Variants in FLG observed in about 807,000 individuals in gnomAD.
FLG encodes the protein epidermal filaggrin.
FLG carries 6 observed loss-of-function variants against 3.8 expected under a neutral mutation model. The ratio of observed to expected loss-of-function variants is 1.60; its 90% CI spans 0.87 to 3.15. The LOEUF is 3.15. FLG is among the 30% of genes most tolerant of loss of function. The pLI, the probability that FLG is intolerant of heterozygous loss-of-function variation, is 0.00. For synonymous variants in FLG, 2,551 were observed against 1,931.6 expected (o/e 1.32, Z -8.41); for missense variants, 7,595 against 5,050.9 (o/e 1.50, Z -15.27).
rs748175895 is a variant in FLG, at chr1:152,315,476, A to G, written c.-20T>C. The G allele has an allele frequency of 1.2e-6, 2 of 1,604,168 alleles. No homozygotes were observed. Among genetic ancestry groups the G allele is most frequent in the East Asian group, 4.5e-5 (2 of 44,638 alleles). On this transcript the variant is annotated splice_region_variant and 5_prime_UTR_variant, in exon 2 of 3. Coordinates refer to ENST00000368799, the MANE Select transcript of FLG (RefSeq NM_002016.2). ...AGACATCTTTTGGCAATAAATGTGA[A>G]CCTAGAAAGAAGAAATGAAAATGCA...
In FLG at chr1:152,311,828, A is replaced by C. The variant is rs751476639; in HGVS notation, c.3058T>G (p.Ser1020Ala). The C allele has an allele frequency of 2.7e-5, 43 of 1,613,988 alleles. 1 individual carries two copies. In the East Asian group the frequency reaches 9.6e-4, roughly 36 times the overall value. ...CTTGATCTTGCCTGTTCATGGGATG[A>C]CGCAGCCTGTCCACCAGAGGAAGTC... ...AETSSGGQAA[S>A]SHEQARSSPG... The change falls in exon 3 of 3, where the codon TCA becomes GCA. Residue 1020 changes from serine to alanine, a missense_variant. Coordinates refer to ENST00000368799, the MANE Select transcript of FLG (RefSeq NM_002016.2).
At position 152,314,338 on chromosome 1, in the gene FLG, T is replaced by C; in HGVS notation, c.548A>G (p.Lys183Arg). The C allele has an allele frequency of 9.3e-6, 15 of 1,613,040 alleles. No individual in the cohort carries two copies. Among genetic ancestry groups the C allele is most frequent in the Non-Finnish European group, 1.3e-5 (15 of 1,179,708 alleles). Residue 183 changes from lysine to arginine, a missense_variant, in exon 3 of 3, where the codon AAA (lysine) becomes AGA (arginine). Transcript: ENST00000368799. Reference sequence around the variant, plus strand: ...AGTATTTTCAGTCTTGTTTTTCTCTTTTTTACTTGAGTTATGATGGTTTTT... The same window carrying C: ...AGTATTTTCAGTCTTGTTTTTCTCTCTTTTACTTGAGTTATGATGGTTTTT... ...YGKNHHNSSK[K>R]EKNKTENTRL...
In FLG at chr1:152,307,404, G is replaced by A. The variant is rs768342355; in HGVS notation, c.7482C>T (p.His2494=). The change falls in exon 3 of 3, where the codon CAC becomes CAT. Residue 2494 remains histidine (H), a synonymous_variant. Coordinates refer to ENST00000368799, the MANE Select transcript of FLG (RefSeq NM_002016.2). ...CATCAGACCTTCCCTGGGATGTGGT[G>A]TGGCTGTGATGAGACCCTGAGTGTC... ...RSGHSGSHHS[H]TTSQGRSDAS... The A allele has an allele frequency of 1.2e-6, 2 of 1,613,276 alleles. No homozygotes were observed. Among genetic ancestry groups the A allele is most frequent in the Non-Finnish European group, 1.7e-6 (2 of 1,179,700 alleles).
chr1:152,313,038 G>T lies in FLG; in HGVS notation c.1848C>A (p.Asn616Lys), dbSNP rs753079520. Reference sequence around the variant, plus strand: ...TGTCCTGGCTAACACTGGATCCCTGGTTCCTACTTGTCCTGGGCCCCGATG... The same window carrying T: ...TGTCCTGGCTAACACTGGATCCCTGTTTCCTACTTGTCCTGGGCCCCGATG... ...GQSSGPRTSR[N>K]QGSSVSQDSD... Residue 616 changes from asparagine (N) to lysine (K), a missense_variant, in exon 3 of 3, where the codon AAC becomes AAA. Transcript: ENST00000368799. 7 of 1,613,798 alleles carry T rather than the reference G, an allele frequency of 4.3e-6. No individual in the cohort carries two copies. The South Asian group carries it at 6.6e-5, about 15-fold the overall frequency.
chr1:152,307,289 G>C lies in FLG; in HGVS notation c.7597C>G (p.Arg2533Gly). 1 of 1,613,324 alleles carries C rather than the reference G, an allele frequency of 6.2e-7. No individual in the cohort carries two copies. The highest frequency in any genetic ancestry group is 8.5e-7 in the Non-Finnish European group (1 of 1,179,960). ...SGDGSRHSGS[R>G]HHEASSRADS... ...GCCCGAGAGGAAGCTTCATGGTGAC[G>C]CGACCCTGAGTGCCTGGAGCCGTCT... The change falls in exon 3 of 3, where the codon CGT becomes GGT. Residue 2533 changes from arginine to glycine, a missense_variant. Physicochemically the swap from Arg to Gly is moderately radical, Grantham distance 125 (BLOSUM62 -2). Coordinates refer to ENST00000368799, the MANE Select transcript of FLG (RefSeq NM_002016.2).
In FLG at chr1:152,312,576, G is replaced by C; in HGVS notation, c.2310C>G (p.His770Gln). The change falls in exon 3 of 3, where the codon CAC becomes CAG. Residue 770 changes from histidine to glutamine, a missense_variant. His to Gln is a conservative substitution (Grantham distance 24). Transcript: ENST00000368799. ...QSVSGHGQAG[H>Q]HQQSHQESAR... is the part of the protein sequence containing the mutation. The stretch of plus-strand genomic sequence containing the variant: ...CGGACTCTTGGTGGCTCTGCTGATG[G>C]TGACCAGCCTGTCCATGGCCTGACA... 6.2e-7 allele frequency: 1 copy of C among 1,613,624 alleles called. No individual in the cohort carries two copies. Among genetic ancestry groups the C allele is most frequent in the Non-Finnish European group, 8.5e-7 (1 of 1,179,924 alleles).
Position 152,313,220 on chromosome 1 carries a change from C to G in FLG, c.1666G>C (p.Asp556His). Residue 556 changes from aspartate to histidine, a missense_variant, in exon 3 of 3, where the codon GAT (aspartate) becomes CAT (histidine). Coordinates refer to ENST00000368799, the MANE Select transcript of FLG (RefSeq NM_002016.2). ...HSHTTSQGRS[D>H]ASHGQSGSRS... ...GATCCTGACTGCCCATGGGAGGCAT[C>G]AGACCTTCCCTGGGATGTGGTGTGG... 1 of 1,613,896 alleles carries G rather than the reference C, an allele frequency of 6.2e-7. No individual in the cohort carries two copies. The highest frequency in any genetic ancestry group is 8.5e-7 in the Non-Finnish European group (1 of 1,180,016).
rs138819199 is a variant in FLG at position 152,315,333 on chromosome 1, G to A, written c.124C>T (p.Arg42Trp). ...ELKELLEKEF[R>W]QILKNPDDPD... Reference sequence around the variant, plus strand: ...GAGACTCTTACCTTCAGGATTTGCCGAAATTCCTTTTCCAGAAGTTCCTTC... The same window carrying A: ...GAGACTCTTACCTTCAGGATTTGCCAAAATTCCTTTTCCAGAAGTTCCTTC... The change falls in exon 2 of 3, where the codon CGG (arginine) becomes TGG (tryptophan). Residue 42 changes from arginine to tryptophan, a missense_variant. By Grantham distance (101) the Arg-to-Trp change is moderately radical. Coordinates refer to ENST00000368799, the MANE Select transcript of FLG (RefSeq NM_002016.2). 127 of 1,613,078 alleles carry A rather than the reference G, an allele frequency of 7.9e-5. No individual in the cohort carries two copies. The highest frequency in any genetic ancestry group is 1.2e-4 in the African/African-American group (9 of 74,870).
At chr1:152,323,164 A>G (rs1653033216) in intron 1 of FLG, among the ~76,000 whole-genome samples, 1 of 151,860 alleles carries the variant, frequency 6.6e-6, no homozygotes, top group African/African-American at 2.4e-5. Flanking sequence ...ATGGAAAAAA[A>G]ATAGTTTCCA....
chr1:152,303,439 T>C lies in FLG; in HGVS notation c.11447A>G (p.Glu3816Gly). 2 of 1,614,082 alleles carry C rather than the reference T, an allele frequency of 1.2e-6. No individual in the cohort carries two copies. The highest frequency in any genetic ancestry group is 2.2e-5 in the South Asian group (2 of 91,074). ...SRSASRETRNEEQSGDGSRHS... is the reference protein window; with the variant it reads ...SRSASRETRNGEQSGDGSRHS... ...CCTGGAGCCGTCTCCTGACTGTTCC[T>C]CATTACGTGTTTCTCTGCTTGCACT... Residue 3816 changes from glutamate to glycine, a missense_variant, in exon 3 of 3, where the codon GAG becomes GGG. By Grantham distance (98) the Glu-to-Gly change is moderately conservative (BLOSUM62 -2). Coordinates refer to ENST00000368799, the MANE Select transcript of FLG (RefSeq NM_002016.2).
chr1:152,323,491 G>A (rs752446846), intron 1 of FLG, among the ~76,000 whole-genome samples: 6 of 151,526 alleles, frequency 4.0e-5, no homozygotes, highest in Non-Finnish European at 5.9e-5. Flanking sequence ...CCTTAGGAAC[G>A]TTACAGAAAA....
In FLG at chr1:152,311,386, G is replaced by C. The variant is rs58001094; in HGVS notation, c.3500C>G (p.Ala1167Gly). The part of the protein sequence containing the change: ...ASQEGQDTIR[A>G]HPGSRRGGRQ... ...TCCTCCTCTCCTTGACCCCGGGTGT[G>C]CACGAATGGTGTCCTGACCCTCTTG... Residue 1167 changes from alanine to glycine, a missense_variant, in exon 3 of 3, where the codon GCA becomes GGA. Transcript: ENST00000368799. 0.23 allele frequency: 371,911 copies of C among 1,611,092 alleles called. 60,751 individuals are homozygous for C. The highest frequency in any genetic ancestry group is 0.7 in the African/African-American group (51,565 of 74,018).
At chr1:152,315,049 T>C in intron 2 of FLG, 1 of 404,462 alleles carries the variant, frequency 2.5e-6, no homozygotes, top group Admixed American at 4.1e-5. Context: ...GTAATGTTGA[T>C]GTTTGGGAGA....
chr1:152,313,171 C>T lies in FLG; in HGVS notation c.1715G>A (p.Arg572Gln), dbSNP rs749798893. Residue 572 changes from arginine (R) to glutamine (Q), a missense_variant, in exon 3 of 3, where the codon CGA (arginine) becomes CAA (glutamine). Transcript: ENST00000368799. ...SGSRSASRQT[R>Q]NEEQSGDGTR... ...GCCGTCTCCTGATTGTTCCTCATTT[C>T]GTGTTTGTCTGCTTGCACTTCTGGA... is the stretch of plus-strand genomic sequence containing the variant. 2.6e-5 allele frequency: 42 copies of T among 1,613,658 alleles called. No homozygotes were observed. Among genetic ancestry groups the T allele is most frequent in the Middle Eastern group, 1.6e-4 (1 of 6,082 alleles).
rs1212300470 is a variant in FLG, at chr1:152,323,832, G to C, written c.-22+1357C>G. 2.0e-5 allele frequency among the ~76,000 whole-genome samples: 3 copies of C among 151,902 alleles called. No individual in the cohort carries two copies. In the East Asian group the frequency reaches 5.8e-4, roughly 29 times the overall value. ...GTAACCAAAAGTAGTACACAAAAAA[G>C]TGCATAGCCCTATTATTTATAATAC... On this transcript the variant is annotated intron_variant, in intron 1 of 2. Transcript: ENST00000368799.
rs763355590 is a variant in FLG at position 152,307,102 on chromosome 1, G to C, written c.7784C>G (p.Ala2595Gly). 6.2e-7 allele frequency: 1 copy of C among 1,611,286 alleles called. No homozygotes were observed. The highest frequency in any genetic ancestry group is 1.4e-5 in the African/African-American group (1 of 73,132). Residue 2595 changes from alanine (A) to glycine (G), a missense_variant, in exon 3 of 3, where the codon GCT becomes GGT. Physicochemically the swap from Ala to Gly is moderately conservative, Grantham distance 60. Coordinates refer to ENST00000368799, the MANE Select transcript of FLG (RefSeq NM_002016.2). ...GSASRNHHGS[A>G]QEQLRDGSRH... ...GGAGCCATCTCTTAGCTGCTCCTGA[G>C]CAGATCCATGATGGTTTCTGGAAGC... is the stretch of plus-strand genomic sequence containing the variant.
In FLG at chr1:152,310,928, C is replaced by T. The variant is rs201488863; in HGVS notation, c.3958G>A (p.Gly1320Arg). The T allele has an allele frequency of 6.3e-5, 101 of 1,613,968 alleles. No homozygotes were observed. In the East Asian group the frequency reaches 1.8e-3, roughly 29 times the overall value. The stretch of plus-strand genomic sequence containing the variant: ...TGTCTGGAGCTGTCTGCAGAGTGCC[C>T]GTGACTGGCTCTGTCTTCTTGATGG... ...GFHQEDRASH[G>R]HSADSSRQSG... The change falls in exon 3 of 3, where the codon GGG (glycine) becomes AGG (arginine). Residue 1320 changes from glycine to arginine, a missense_variant. Physicochemically the swap from Gly to Arg is moderately radical, Grantham distance 125. Transcript: ENST00000368799.
In FLG at chr1:152,304,450, T is replaced by G. The variant is rs767440696; in HGVS notation, c.10436A>C (p.Gln3479Pro). Residue 3479 changes from glutamine to proline, a missense_variant, in exon 3 of 3, where the codon CAG becomes CCG. Physicochemically the swap from Gln to Pro is moderately conservative, Grantham distance 76. Coordinates refer to ENST00000368799, the MANE Select transcript of FLG (RefSeq NM_002016.2). ...SQGRSDASRGQSGSRSASRQT... is the reference protein window; with the variant it reads ...SQGRSDASRGPSGSRSASRQT... ...TCTGCTGGCACTTCTGGATCCTGAC[T>G]GCCCACGGGAGGCATCAGACCTTCC... 3 of 1,612,310 alleles carry G rather than the reference T, an allele frequency of 1.9e-6. No individual in the cohort carries two copies. Among genetic ancestry groups the G allele is most frequent in the Non-Finnish European group, 2.5e-6 (3 of 1,179,374 alleles).
chr1:152,321,740 A>G (rs1652983646), intron 1 of FLG, among the ~76,000 whole-genome samples: 1 of 151,242 alleles, frequency 6.6e-6, no homozygotes. Context: ...AAGTGAAAGA[A>G]AGAAATAACT....
Sources: allele counts gnomAD v4.1 joint callset (sites outside exome capture counted in the v4.1 genomes callset), GRCh38; gene constraint gnomAD v4.1.1; transcripts MANE v1.5; gene names NCBI Gene and HGNC (gene_info 2026-07-23, HGNC 2026-07-21).